The following OPHN1 variants were observed in gnomAD, a reference collection of about 807,000 sequenced individuals.
OPHN1 encodes the protein oligophrenin 1, also known as oligophrenin-1.
Under a neutral mutation model 60.7 loss-of-function variants are expected in OPHN1, and 11 were observed. That is an observed-to-expected ratio of 0.18 (90% CI 0.11 to 0.30). The LOEUF (loss-of-function observed/expected upper bound fraction) is 0.30. OPHN1 is among the 10% of genes least tolerant of loss of function. The pLI, the probability that OPHN1 is intolerant of heterozygous loss-of-function variation, is 1.00. For synonymous variants in OPHN1, 226 were observed against 222.6 expected (o/e 1.02, Z -0.14); for missense variants, 449 against 611.0 (o/e 0.73, Z 2.80).
chrX:68,081,666 T>C (rs1447637773), intron 19 of OPHN1, among the ~76,000 whole-genome samples: 2 of 112,047 alleles, frequency 1.8e-5, no homozygotes, highest in East Asian at 5.6e-4. Context: ...TGCTAAAAAA[T>C]GCTGACAATC....
At chrX:68,136,659 T>C (rs1476648571) in intron 15 of OPHN1, among the ~76,000 whole-genome samples, 2 of 111,666 alleles carry the variant, frequency 1.8e-5, no homozygotes, top group African/African-American at 6.5e-5. Context: ...TTTACTTAAA[T>C]TTTGTGCATT....
chrX:68,231,893 C>T (rs756576212), intron 6 of OPHN1, among the ~76,000 whole-genome samples: 1 of 111,412 alleles, frequency 9.0e-6, no homozygotes, highest in East Asian at 2.8e-4. Context: ...TTTCAAAACC[C>T]ATAGAATGTT....
At chrX:68,162,757 A>G (rs912850547) in intron 15 of OPHN1, among the ~76,000 whole-genome samples, 1 of 111,223 alleles carries the variant, frequency 9.0e-6, no homozygotes, top group East Asian at 2.8e-4. Context: ...TATATTGTAA[A>G]TCAGCTAATT....
At chrX:68,254,067 T>G (rs1438383350) in intron 5 of OPHN1, among the ~76,000 whole-genome samples, 1 of 111,737 alleles carries the variant, frequency 8.9e-6, no homozygotes, top group East Asian at 2.8e-4. Flanking sequence ...TCTCAGAAAC[T>G]GGATATGTCA....
intron 2 of OPHN1, among the ~76,000 whole-genome samples, chrX:68,342,893 T>A (rs975579187): frequency 9.1e-6 from 1 of 109,499 alleles, no homozygotes; most frequent in Non-Finnish European, 1.9e-5. Context: ...GTAAGACAAG[T>A]TTAGGTCAAT....
At chrX:68,165,628 T>G (rs892997868) in intron 15 of OPHN1, among the ~76,000 whole-genome samples, 2 of 112,029 alleles carry the variant, frequency 1.8e-5, no homozygotes, top group African/African-American at 6.5e-5. Context: ...TATTCCAAGA[T>G]TTACAAAAAT....
intron 15 of OPHN1, among the ~76,000 whole-genome samples, chrX:68,149,800 AC>A (rs1362951713): frequency 9.3e-6 from 1 of 107,793 alleles, no homozygotes; most frequent in Non-Finnish European, 1.9e-5. Context: ...CTAGTTATAT[AC>A]CAAAAAAAAA....
chrX:68,391,734 C>T (rs772566761), intron 2 of OPHN1, among the ~76,000 whole-genome samples: 1 of 111,161 alleles, frequency 9.0e-6, no homozygotes, highest in Non-Finnish European at 1.9e-5. Flanking sequence ...TTAAGAGGGA[C>T]GTAGGAGGAT....
intron 5 of OPHN1, among the ~76,000 whole-genome samples, chrX:68,251,087 T>C (rs2077831665): frequency 9.2e-6 from 1 of 109,166 alleles, no homozygotes; most frequent in South Asian, 4.0e-4. Context: ...CAGATAAGCA[T>C]GGTAATGTGG....
chrX:68,119,658 T>A (rs2077142244), intron 15 of OPHN1, among the ~76,000 whole-genome samples: 1 of 111,727 alleles, frequency 9.0e-6, no homozygotes, highest in East Asian at 2.8e-4. Context: ...AACCAAATCT[T>A]ACAGTAACAG....
rs1162758514 is a variant in OPHN1 at position 68,206,697 on chromosome X, C to A, written c.833-24G>T. The A allele has an allele frequency of 4.7e-6, 5 of 1,064,624 alleles. No individual in the cohort carries two copies. The Admixed American group carries it at 8.8e-5, about 19-fold the overall frequency. 87.7% of individuals were successfully genotyped at this position (1,064,624 alleles called of 1,213,427 possible). ...CCCTACAAGGACAAGTAAAAGTGAGCAGACAGAATAACTATTTTAGCTGTA... is the reference window on the plus strand; with the variant it reads ...CCCTACAAGGACAAGTAAAAGTGAGAAGACAGAATAACTATTTTAGCTGTA... On this transcript the variant is annotated intron_variant, in intron 9 of 24. Transcript: ENST00000355520.
intron 6 of OPHN1, among the ~76,000 whole-genome samples, chrX:68,231,895 T>C (rs193202942): frequency 4.5e-5 from 5 of 111,766 alleles, no homozygotes; most frequent in African/African-American, 1.6e-4. Context: ...TCAAAACCCA[T>C]AGAATGTTTA....
chrX:68,342,738 T>C (rs1376524724), intron 2 of OPHN1, among the ~76,000 whole-genome samples: 1 of 110,533 alleles, frequency 9.0e-6, no homozygotes, highest in Non-Finnish European at 1.9e-5. Context: ...ACCCAGGAGT[T>C]TGAGACCAGC....
intron 5 of OPHN1, among the ~76,000 whole-genome samples, chrX:68,260,276 TG>T (rs2077886656): frequency 9.0e-6 from 1 of 110,835 alleles, no homozygotes; most frequent in Non-Finnish European, 1.9e-5. Flanking sequence ...CTTTCGTGAC[TG>T]TTTTTTTTTA....
At chrX:68,258,978 C>A (rs1031348660) in intron 5 of OPHN1, among the ~76,000 whole-genome samples, 1 of 111,933 alleles carries the variant, frequency 8.9e-6, no homozygotes, top group Admixed American at 9.5e-5. Context: ...ATTGACACAA[C>A]CATTTTGTAG....
chrX:68,240,104 C>T (rs2077773506), intron 5 of OPHN1, among the ~76,000 whole-genome samples: 1 of 112,395 alleles, frequency 8.9e-6, no homozygotes, highest in Non-Finnish European at 1.9e-5. Flanking sequence ...AGCCACTGCG[C>T]CCGGCCAATT....
intron 15 of OPHN1, among the ~76,000 whole-genome samples, chrX:68,144,394 A>G (rs758205267): frequency 1.8e-5 from 2 of 111,022 alleles, no homozygotes; most frequent in Non-Finnish European, 3.8e-5. Flanking sequence ...AAAGTGAAGG[A>G]CTAAGAACAA....
chrX:68,269,809 G>A (rs1034295805), intron 5 of OPHN1, among the ~76,000 whole-genome samples: 6 of 111,692 alleles, frequency 5.4e-5, no homozygotes, highest in African/African-American at 2.0e-4. Flanking sequence ...GCAACCTACA[G>A]AATGGGAGAA....
chrX:68,137,113 T>TTTAATTAATCAA (rs2077223690), intron 15 of OPHN1, among the ~76,000 whole-genome samples: 1 of 111,921 alleles, frequency 8.9e-6, no homozygotes, highest in Admixed American at 9.5e-5. Flanking sequence ...AACAAAAACA[T>TTTAATTAATCAA]GAGTTAAATC....
Sources: gnomAD v4.1 joint callset for allele counts (sites outside exome capture counted in the v4.1 genomes callset) on GRCh38, gnomAD v4.1.1 for gene constraint, MANE v1.5 for transcripts, NCBI Gene and HGNC (gene_info 2026-07-23, HGNC 2026-07-21) for gene names.